The following EPM2A variants were observed in gnomAD, a reference collection of about 807,000 sequenced individuals.
EPM2A encodes the protein laforin.
In EPM2A, 21 loss-of-function variants were observed where a neutral mutation model predicts 26.5. The ratio of observed to expected loss-of-function variants is 0.79; its 90% CI spans 0.56 to 1.14. The LOEUF (loss-of-function observed/expected upper bound fraction) is 1.14. EPM2A is among the 50% of genes most tolerant of loss of function. The probability of loss-of-function intolerance (pLI) is 0.00; values close to 1 mark genes in which losing one functional copy is unlikely to be tolerated. For synonymous variants in EPM2A, 217 were observed against 177.6 expected, an observed-to-expected ratio of 1.22 and a Z score of -1.76; for missense variants, 458 against 440.8, an observed-to-expected ratio of 1.04 and a Z score of -0.35.
In EPM2A at chr6:145,407,206, C is replaced by T. The variant is rs572324150; in HGVS notation, c.556-23109G>A. On this transcript the variant is annotated intron_variant, in intron 4 of 4. Coordinates refer to the EPM2A transcript ENST00000638717. The stretch of plus-strand genomic sequence containing the variant: ...CATTTGAGATCTCTTTCTGATGAAA[C>T]CATGTCCATATATATGGCCATGATA... Among the ~76,000 whole-genome samples the T allele has an allele frequency of 3.4e-4, 51 of 152,210 alleles. No homozygotes were observed. The South Asian group carries it at 0.01, about 30-fold the overall frequency.
chr6:145,590,353 C>G (rs1781256113), intron 2 of EPM2A, among the ~76,000 whole-genome samples: 1 of 151,924 alleles, frequency 6.6e-6, no homozygotes, highest in African/African-American at 2.4e-5. Flanking sequence ...TTTACCAGAG[C>G]CTAATACACC....
At chr6:145,634,475 C>T (rs943428541) in intron 3 of EPM2A, 1 of 152,598 alleles carries the variant, frequency 6.6e-6, no homozygotes. Flanking sequence ...CATGCATAAC[C>T]CTCCTCCAGC....
chr6:145,418,911 T>G (rs1778744237), intron 4 of EPM2A, among the ~76,000 whole-genome samples: 3 of 152,170 alleles, frequency 2.0e-5, no homozygotes, highest in Admixed American at 2.0e-4. Flanking sequence ...TTAAATTACG[T>G]TTACCAAAGT....
rs371306606 is a variant in EPM2A, at chr6:145,617,349, C to A, written c.340+17896G>T. Among the ~76,000 whole-genome samples, 8 of 152,266 alleles carry A rather than the reference C, an allele frequency of 5.3e-5. No homozygotes were observed. In the East Asian group the frequency reaches 1.5e-3, roughly 29 times the overall value. On this transcript the variant is annotated intron_variant, in intron 2 of 3. Coordinates refer to the EPM2A transcript ENST00000450221. ...AACTGTAAGTCCATTAAATCCCTTC[C>A]TCCTGTGTAAATAACCGAGTCTCAA...
intron 4 of EPM2A, among the ~76,000 whole-genome samples, chr6:145,467,173 A>G (rs1779409780): frequency 6.6e-6 from 1 of 151,998 alleles, no homozygotes; most frequent in Admixed American, 6.6e-5. Context: ...AAAATTATAA[A>G]TAAATATTCT....
At chr6:145,410,180 T>C (rs1778625600) in intron 4 of EPM2A, among the ~76,000 whole-genome samples, 1 of 152,144 alleles carries the variant, frequency 6.6e-6, no homozygotes, top group Non-Finnish European at 1.5e-5. Flanking sequence ...GCTAAATCAA[T>C]GTTGCTCGAA....
chr6:145,489,204 T>C (rs1360534007), intron 4 of EPM2A, among the ~76,000 whole-genome samples: 1 of 152,208 alleles, frequency 6.6e-6, no homozygotes, highest in East Asian at 1.9e-4. Flanking sequence ...TCATGCAGCC[T>C]TGTGTTTCCT....
intron 2 of EPM2A, among the ~76,000 whole-genome samples, chr6:145,667,534 T>C (rs1177082082): frequency 6.6e-6 from 1 of 151,048 alleles, no homozygotes; most frequent in Non-Finnish European, 1.5e-5. Context: ...GGAGAGGATG[T>C]GGAGAAATAG....
At chr6:145,706,068 A>G (rs1044947207) in intron 1 of EPM2A, 2 of 403,380 alleles carry the variant, frequency 5.0e-6, no homozygotes, top group African/African-American at 4.2e-5. Context: ...GCAAATGACT[A>G]CATATTAGAC....
chr6:145,692,227 A>T (rs1477202289), intron 1 of EPM2A, among the ~76,000 whole-genome samples: 3 of 152,028 alleles, frequency 2.0e-5, no homozygotes, highest in Non-Finnish European at 4.4e-5. Flanking sequence ...TAAAGCAAAA[A>T]ACTGAGAGAA....
At chr6:145,514,081 C>T (rs1780091283) in intron 2 of EPM2A, among the ~76,000 whole-genome samples, 1 of 152,174 alleles carries the variant, frequency 6.6e-6, no homozygotes, top group Non-Finnish European at 1.5e-5. Context: ...AAAAGTGTCA[C>T]ATATGATTTC....
At chr6:145,718,553 G>A (rs1775771322) in intron 1 of EPM2A, among the ~76,000 whole-genome samples, 1 of 152,058 alleles carries the variant, frequency 6.6e-6, no homozygotes, top group Non-Finnish European at 1.5e-5. Context: ...CAGGACATAG[G>A]CATGGGCAAG....
At chr6:145,587,938 A>C (rs1781219695) in intron 2 of EPM2A, among the ~76,000 whole-genome samples, 1 of 152,218 alleles carries the variant, frequency 6.6e-6, no homozygotes, top group South Asian at 2.1e-4. Context: ...CCTTATAAAC[A>C]AAACTTCTGA....
At chr6:145,417,020 T>C (rs1778717656) in intron 4 of EPM2A, among the ~76,000 whole-genome samples, 1 of 152,208 alleles carries the variant, frequency 6.6e-6, no homozygotes, top group Admixed American at 6.5e-5. Flanking sequence ...CTTCCCCTAA[T>C]GGCTGAAATC....
At chr6:145,601,121 C>T (rs1462378809) in intron 2 of EPM2A, among the ~76,000 whole-genome samples, 1 of 152,150 alleles carries the variant, frequency 6.6e-6, no homozygotes, top group Non-Finnish European at 1.5e-5. Context: ...AGTAGCAATT[C>T]TCTGTTATTA....
intron 1 of EPM2A, among the ~76,000 whole-genome samples, chr6:145,710,438 T>C (rs1388539033): frequency 2.6e-5 from 4 of 152,178 alleles, no homozygotes; most frequent in Non-Finnish European, 5.9e-5. Flanking sequence ...CTCACACCAG[T>C]TACAATGGCG....
At chr6:145,545,524 CTG>C (rs1184509505) in intron 2 of EPM2A, among the ~76,000 whole-genome samples, 6 of 152,212 alleles carry the variant, frequency 3.9e-5, no homozygotes, top group East Asian at 3.9e-4. Context: ...CATTCTATAA[CTG>C]TGAAAGAAGT....
chr6:145,499,341 C>T (rs1779859544), downstream of EPM2A, among the ~76,000 whole-genome samples: 1 of 152,152 alleles, frequency 6.6e-6, no homozygotes, highest in Non-Finnish European at 1.5e-5. Context: ...TCATTCTGTT[C>T]CTTTTACCTA....
intron 4 of EPM2A, among the ~76,000 whole-genome samples, chr6:145,469,643 G>A (rs1307744698): frequency 6.6e-6 from 1 of 151,894 alleles, no homozygotes; most frequent in African/African-American, 2.4e-5. Flanking sequence ...AAGTAGGGTC[G>A]TACAATCCAG....
Sources: allele counts gnomAD v4.1 joint callset (sites outside exome capture counted in the v4.1 genomes callset), GRCh38; gene constraint gnomAD v4.1.1; transcripts MANE v1.5; gene names NCBI Gene and HGNC (gene_info 2026-07-23, HGNC 2026-07-21).